Variants in GCLC observed in about 807,000 individuals in gnomAD.
GCLC encodes the protein glutamate-cysteine ligase catalytic subunit, also known as glutamate--cysteine ligase catalytic subunit.
Under a neutral mutation model 81.5 loss-of-function variants are expected in GCLC, and 30 were observed. The observed-to-expected ratio is 0.37, with a 90% CI of 0.28 to 0.50. The LOEUF is 0.50. Among genes scored for constraint, GCLC ranks in the 20% least tolerant of loss-of-function variants. GCLC has a pLI of 0.96. For missense variants in GCLC, 556 were observed against 777.4 expected (o/e 0.72, Z 3.39); for synonymous variants, 262 against 273.3 (o/e 0.96, Z 0.41).
At chr6:53,518,217 C>T (rs1240307556) in intron 3 of GCLC, among the ~76,000 whole-genome samples, 1 of 152,032 alleles carries the variant, frequency 6.6e-6, no homozygotes, top group Admixed American at 6.6e-5. Flanking sequence ...ACTTTCCCTT[C>T]ACAATGACTT....
intron 1 of GCLC, among the ~76,000 whole-genome samples, chr6:53,531,673 A>G (rs1307047925): frequency 6.6e-6 from 1 of 152,062 alleles, no homozygotes; most frequent in African/African-American, 2.4e-5. Flanking sequence ...TCAGTATTTC[A>G]AGAGCTGGCT....
intron 6 of GCLC, among the ~76,000 whole-genome samples, chr6:53,512,439 T>C (rs1381929685): frequency 6.6e-6 from 1 of 152,112 alleles, no homozygotes; most frequent in South Asian, 2.1e-4. Context: ...ATAATAGATG[T>C]ACACAGTTTC....
intron 1 of GCLC, among the ~76,000 whole-genome samples, chr6:53,527,833 T>G (rs1371728288): frequency 6.6e-6 from 1 of 152,006 alleles, no homozygotes; most frequent in Non-Finnish European, 1.5e-5. Flanking sequence ...AAATTCAACC[T>G]CCCATAGGAT....
At position 53,502,076 on chromosome 6, in the gene GCLC, G is replaced by A. The variant is rs1046790812; in HGVS notation, c.1396-1563C>T. Reference sequence around the variant, plus strand: ...TAAATTTCTCCAGAGTATCTCTTTCGTTGAATTTTAGCGGGAACGCATGCT... The same window carrying A: ...TAAATTTCTCCAGAGTATCTCTTTCATTGAATTTTAGCGGGAACGCATGCT... On this transcript the variant is annotated intron_variant, in intron 12 of 15. Coordinates refer to ENST00000650454, the MANE Select transcript of GCLC (RefSeq NM_001498.4). 1.2e-4 allele frequency among the ~76,000 whole-genome samples: 18 copies of A among 152,014 alleles called. 1 individual carries two copies. The highest frequency in any genetic ancestry group is 2.0e-4 in the Admixed American group (3 of 15,274).
chr6:53,538,480 C>T (rs1358139064), intron 1 of GCLC, among the ~76,000 whole-genome samples: 2 of 152,088 alleles, frequency 1.3e-5, no homozygotes, highest in African/African-American at 4.8e-5. Context: ...GTGCTCGCCA[C>T]CACACCTGGC....
chr6:53,507,127 G>A, intron 9 of GCLC, 102 bp from the exon 10 acceptor site: 1 of 750,372 alleles, frequency 1.3e-6, no homozygotes, highest in East Asian at 2.7e-5. Context: ...TGAAGAAAGG[G>A]TGTCTAGAAG....
Position 53,498,580 on chromosome 6 carries a change from C to T in GCLC, c.*176G>A. ...AAAAATACTTTACTATGTACATGTACACTGTATAAACTCTAGATTTACCTA... is the reference window on the plus strand; with the variant it reads ...AAAAATACTTTACTATGTACATGTATACTGTATAAACTCTAGATTTACCTA... On this transcript the variant is annotated 3_prime_UTR_variant, in exon 16 of 16. Transcript: ENST00000650454. 1.6e-6 allele frequency: 1 copy of T among 639,666 alleles called. No homozygotes were observed. Among genetic ancestry groups the T allele is most frequent in the Non-Finnish European group, 2.8e-6 (1 of 355,318 alleles). 39.6% of individuals were successfully genotyped at this position (639,666 alleles called of 1,614,324 possible).
intron 8 of GCLC, 123 bp downstream of exon 8, chr6:53,508,472 C>A (rs570470739): frequency 1.2e-5 from 9 of 768,296 alleles, no homozygotes; most frequent in African/African-American, 1.0e-4. Flanking sequence ...CCCACCTAGA[C>A]CAAATCTTTT....
Position 53,506,681 on chromosome 6 carries a change from G to C in GCLC, c.1197+232C>G. On this transcript the variant is annotated intron_variant, in intron 10 of 15. Coordinates refer to ENST00000650454, the MANE Select transcript of GCLC (RefSeq NM_001498.4). This position sits in a 1 kb window ranked among gnomAD's most constrained non-coding sequence, Gnocchi z 4.0. ...TAAAAAAAAAAATTAGAATCAGTGA[G>C]ATAAACAGTAAGAATCGTAAAATAA... 1 of 502,796 alleles carries C rather than the reference G, an allele frequency of 2.0e-6. No individual in the cohort carries two copies. Among genetic ancestry groups the C allele is most frequent in the South Asian group, 2.3e-5 (1 of 43,260 alleles). The allele number at this position is 502,796 out of a possible 1,614,324, so 31.1% of individuals were successfully genotyped here.
chr6:53,509,064 T>G (rs1182140292), intron 7 of GCLC, 112 bp downstream of exon 7: 3 of 725,260 alleles, frequency 4.1e-6, no homozygotes, highest in Non-Finnish European at 7.5e-6. Flanking sequence ...TATTAGTCCA[T>G]CTCTGACTGA....
chr6:53,511,188 G>A, intron 6 of GCLC, among the ~76,000 whole-genome samples: 2 of 103,252 alleles, frequency 1.9e-5, no homozygotes, highest in South Asian at 3.9e-4. Context: ...TGAGAATCTT[G>A]GAAAAAAAAA....
intron 1 of GCLC, among the ~76,000 whole-genome samples, chr6:53,538,135 C>CTTTTTTTTTTT (rs1561952584): frequency 9.6e-6 from 1 of 103,888 alleles, no homozygotes; most frequent in Non-Finnish European, 1.9e-5. Context: ...TTTTTTCTTT[C>CTTTTTTTTTTT]CTTTTTTTTT....
chr6:53,526,671 G>A (rs189093785), intron 1 of GCLC, among the ~76,000 whole-genome samples: 12 of 152,038 alleles, frequency 7.9e-5, no homozygotes, highest in East Asian at 5.8e-4. Flanking sequence ...GCTGGCGGGC[G>A]CCTGTAGTCC....
At chr6:53,510,384 GAGTT>G (rs1358280477) in intron 6 of GCLC, 1 of 151,438 alleles carries the variant, frequency 6.6e-6, no homozygotes, top group Non-Finnish European at 1.5e-5. Flanking sequence ...GGACACTTAA[GAGTT>G]AGGCAGAGAA....
At chr6:53,505,754 T>G in intron 11 of GCLC, 49 bp downstream of exon 11, 1 of 1,047,632 alleles carries the variant, frequency 9.5e-7, no homozygotes, top group Admixed American at 1.7e-5. Flanking sequence ...GATGAACAGC[T>G]GGCGAAAGAG....
intron 1 of GCLC, among the ~76,000 whole-genome samples, chr6:53,534,238 A>T (rs963369088): frequency 1.3e-5 from 2 of 152,234 alleles, no homozygotes; most frequent in African/African-American, 4.8e-5. Context: ...CAGGATGATA[A>T]CAGAGATACT....
intron 12 of GCLC, chr6:53,500,906 T>C (rs1764498744): frequency 1.2e-5 from 4 of 324,828 alleles, no homozygotes; most frequent in South Asian, 1.1e-4. Flanking sequence ...AAGGCAGGAC[T>C]AGAACCCAGT....
At chr6:53,518,587 G>T (rs1402340772) in intron 3 of GCLC, among the ~76,000 whole-genome samples, 1 of 152,068 alleles carries the variant, frequency 6.6e-6, no homozygotes, top group Admixed American at 6.6e-5. Flanking sequence ...ATCCCATATG[G>T]AACCATTCTC....
intron 3 of GCLC, among the ~76,000 whole-genome samples, chr6:53,519,884 T>C (rs950625078): frequency 2.6e-5 from 4 of 151,224 alleles, no homozygotes; most frequent in African/African-American, 7.3e-5. Flanking sequence ...AAAAAAAAAA[T>C]AGAATTCCCA....
Sources: allele counts gnomAD v4.1 joint callset (sites outside exome capture counted in the v4.1 genomes callset), GRCh38; gene constraint gnomAD v4.1.1; non-coding constraint Gnocchi (gnomAD v3.1); transcripts MANE v1.5; gene names NCBI Gene and HGNC (gene_info 2026-07-23, HGNC 2026-07-21).